GNPTG: variants seen among roughly 807,000 people sequenced by gnomAD.
The protein encoded by GNPTG is N-acetylglucosamine-1-phosphotransferase subunit gamma.
A neutral mutation model predicts 43.8 loss-of-function variants in GNPTG; 46 were observed. That is an observed-to-expected ratio of 1.05 (90% CI 0.83 to 1.34). The LOEUF is 1.34. GNPTG is among the 40% of genes most tolerant of loss of function. The pLI, the probability that GNPTG is intolerant of heterozygous loss-of-function variation, is 0.00. For missense variants in GNPTG, 549 were observed against 411.3 expected (o/e 1.33, Z -2.90); for synonymous variants, 250 against 172.8 (o/e 1.45, Z -3.50).
intron 3 of GNPTG, 94 bp downstream of exon 3, chr16:1,352,400 A>T: frequency 4.1e-6 from 5 of 1,232,498 alleles, no homozygotes; most frequent in Non-Finnish European, 5.8e-6. Context: ...TACGGCCCGG[A>T]GTCTAAAGCA....
Position 1,352,151 on chromosome 16 carries a change from C to A in GNPTG, c.102C>A (p.Asn34Lys). ...AAKMKVVEEPNAFGVNNPFLP... is the reference protein window; with the variant it reads ...AAKMKVVEEPKAFGVNNPFLP... ...AGATGAAGGTGGTGGAGGAGCCCAA[C>A]GCGTTTGGGTGAGCAGCCTCGCGGG... Residue 34 changes from asparagine to lysine, a missense_variant, in exon 2 of 11, where the codon AAC becomes AAA. Coordinates refer to ENST00000204679, the MANE Select transcript of GNPTG (RefSeq NM_032520.5). The A allele has an allele frequency of 6.3e-7, 1 of 1,579,756 alleles. No individual in the cohort carries two copies. Among genetic ancestry groups the A allele is most frequent in the East Asian group, 2.3e-5 (1 of 43,102 alleles).
At chr16:1,356,865 G>A (rs1420913166) in intron 3 of GNPTG, among the ~76,000 whole-genome samples, 1 of 144,210 alleles carries the variant, frequency 6.9e-6, no homozygotes, top group Non-Finnish European at 1.5e-5. Flanking sequence ...GAGTGTGAGA[G>A]CGGGAATCTG....
At chr16:1,353,278 T>C (rs2034717081) in intron 3 of GNPTG, among the ~76,000 whole-genome samples, 1 of 152,216 alleles carries the variant, frequency 6.6e-6, no homozygotes, top group South Asian at 2.1e-4. Context: ...CGCCCAGCTT[T>C]AGTAATTTTA....
chr16:1,359,038 A>C (rs981709509), intron 3 of GNPTG: 2 of 151,872 alleles, frequency 1.3e-5, no homozygotes, highest in African/African-American at 4.8e-5. Flanking sequence ...ATTTTTATTT[A>C]GTAGAGACGG....
chr16:1,362,514 G>C lies in GNPTG; in HGVS notation c.589G>C (p.Asp197His), dbSNP rs367672512. Residue 197 changes from aspartate to histidine, a missense_variant, in exon 8 of 11, where the codon GAT becomes CAT. Coordinates refer to ENST00000204679, the MANE Select transcript of GNPTG (RefSeq NM_032520.5). Reference sequence around the variant, plus strand: ...GGACCAGGTAGAGCAGGACCTGGCCGATGAGCTGATCACCCCCCAGGTAAG... The same window carrying C: ...GGACCAGGTAGAGCAGGACCTGGCCCATGAGCTGATCACCCCCCAGGTAAG... ...QWDQVEQDLA[D>H]ELITPQGHEK... is the part of the protein sequence containing the mutation. 3 of 1,614,040 alleles carry C rather than the reference G, an allele frequency of 1.9e-6. No homozygotes were observed. Among genetic ancestry groups the C allele is most frequent in the Admixed American group, 1.7e-5 (1 of 60,012 alleles).
chr16:1,359,531 G>A (rs1321045933), intron 3 of GNPTG, among the ~76,000 whole-genome samples: 6 of 152,080 alleles, frequency 3.9e-5, no homozygotes, highest in Non-Finnish European at 8.8e-5. Context: ...GCCTCCCAAA[G>A]CACTGGGATT....
intron 3 of GNPTG, among the ~76,000 whole-genome samples, chr16:1,359,985 G>A (rs1402923583): frequency 3.3e-5 from 5 of 152,038 alleles, no homozygotes; most frequent in Admixed American, 6.6e-5. Context: ...GGCAGGCACC[G>A]GTAATCCTAG....
rs762046443 is a variant in GNPTG at position 1,363,082 on chromosome 16, G to C, written c.909G>C (p.Gly303=). 3.7e-6 allele frequency: 6 copies of C among 1,613,752 alleles called. No individual in the cohort carries two copies. Among genetic ancestry groups the C allele is most frequent in the Non-Finnish European group, 5.1e-6 (6 of 1,180,008 alleles). Residue 303 remains glycine (G), a synonymous_variant, in exon 11 of 11, where the codon GGG becomes GGC. Transcript: ENST00000204679. The part of the protein sequence containing the change: ...EQLRGDPGLR[G]SL The stretch of plus-strand genomic sequence containing the variant: ...TGCGGGGTGACCCAGGACTGCGTGG[G>C]AGTTTGTGACCTTGTGGTGGGAGAG...
In GNPTG at chr16:1,362,860, G is replaced by T; in HGVS notation, c.777G>T (p.Leu259=). The T allele has an allele frequency of 6.2e-7, 1 of 1,614,080 alleles. No individual in the cohort carries two copies. The highest frequency in any genetic ancestry group is 8.5e-7 in the Non-Finnish European group (1 of 1,180,028). Residue 259 remains leucine, a synonymous_variant, in exon 10 of 11, where the codon CTG becomes CTT. Transcript: ENST00000204679. ...HKELSKEIKR[L]KGLLTQHGIP... ...AACTCTCAAAGGAGATCAAAAGGCT[G>T]AAAGGTTTGCTCACCCAGCACGGCA...
At chr16:1,356,985 G>A (rs1418651729) in intron 3 of GNPTG, among the ~76,000 whole-genome samples, 2 of 151,992 alleles carry the variant, frequency 1.3e-5, no homozygotes, top group Admixed American at 6.5e-5. Context: ...GTGGCAGATG[G>A]GTGAGGGACA....
chr16:1,358,198 C>G (rs531155666), intron 3 of GNPTG: 100 of 152,240 alleles, frequency 6.6e-4, no homozygotes, highest in African/African-American at 2.4e-3. Context: ...CCTCTTCCCC[C>G]AGGCGCTGGT....
intron 3 of GNPTG, among the ~76,000 whole-genome samples, chr16:1,355,047 G>A (rs945111762): frequency 1.3e-5 from 2 of 151,938 alleles, no homozygotes; most frequent in African/African-American, 4.9e-5. Flanking sequence ...GGGGTCGGGT[G>A]TGGATGGTCT....
chr16:1,357,996 C>T (rs887125055), intron 3 of GNPTG, among the ~76,000 whole-genome samples: 10 of 151,968 alleles, frequency 6.6e-5, no homozygotes, highest in Admixed American at 2.0e-4. Context: ...GAGGATGGCC[C>T]GTGGCTGACA....
chr16:1,362,350 T>C (rs758722133), intron 7 of GNPTG, 30 bp downstream of exon 7: 1 of 1,610,546 alleles, frequency 6.2e-7, no homozygotes, highest in South Asian at 1.1e-5. Flanking sequence ...TTGAGCCCAG[T>C]GGGGTCAGCC....
At chr16:1,355,621 G>A (rs1252711191) in intron 3 of GNPTG, among the ~76,000 whole-genome samples, 6 of 152,148 alleles carry the variant, frequency 3.9e-5, no homozygotes, top group African/African-American at 7.2e-5. Context: ...AATGGGGCAC[G>A]GTCAGTGTGG....
chr16:1,354,041 G>A lies in GNPTG; in HGVS notation c.178+1735G>A, dbSNP rs1003286760. Among the ~76,000 whole-genome samples the A allele has an allele frequency of 3.3e-5, 5 of 152,154 alleles. 1 individual carries two copies. The highest frequency in any genetic ancestry group is 1.2e-4 in the African/African-American group (5 of 41,426). On this transcript the variant is annotated intron_variant, in intron 3 of 10. Transcript: ENST00000204679. ...TTTGACTCCAAACACATCTTTTTAA[G>A]TTTTTTGTTGTGTGGCTGGGCGTGA...
chr16:1,356,043 G>A (rs1410008690), intron 3 of GNPTG, among the ~76,000 whole-genome samples: 1 of 151,942 alleles, frequency 6.6e-6, no homozygotes, highest in East Asian at 1.9e-4. Flanking sequence ...ACTGGGACCA[G>A]GTGTGGGGCC....
chr16:1,358,904 C>T (rs2034824105), intron 3 of GNPTG: 1 of 151,554 alleles, frequency 6.6e-6, no homozygotes, highest in Non-Finnish European at 1.5e-5. Context: ...CTCTGTGGCC[C>T]AGACTGGAGT....
chr16:1,362,913 CA>C lies in GNPTG; in HGVS notation c.823+8del. 6.2e-7 allele frequency: 1 copy of C among 1,614,070 alleles called. No homozygotes were observed. Among genetic ancestry groups the C allele is most frequent in the Non-Finnish European group, 8.5e-7 (1 of 1,179,984 alleles). On this transcript the variant is annotated splice_region_variant and intron_variant, in intron 10 of 10. Coordinates refer to ENST00000204679, the MANE Select transcript of GNPTG (RefSeq NM_032520.5). ...CCCTACACGAGGCCCACAGGTGAGT[CA>C]CCTGTGGGGAGAGGGCCAGGCTCAC...
Sources: allele counts gnomAD v4.1 joint callset (sites outside exome capture counted in the v4.1 genomes callset), GRCh38; gene constraint gnomAD v4.1.1; transcripts MANE v1.5; gene names NCBI Gene and HGNC (gene_info 2026-07-23, HGNC 2026-07-21).